Variants in IFT80 observed in about 807,000 individuals in gnomAD.
IFT80 encodes intraflagellar transport protein 80 homolog.
IFT80 carries 79 observed loss-of-function variants against 107.9 expected under a neutral mutation model. That is an observed-to-expected ratio of 0.73 (90% CI 0.61 to 0.88). IFT80 has a LOEUF of 0.88. IFT80 is among the 40% of genes least tolerant of loss of function. The pLI is 0.00. For synonymous variants in IFT80, 299 were observed against 300.9 expected (o/e 0.99, Z 0.07); for missense variants, 797 against 914.2 (o/e 0.87, Z 1.65).
At position 160,294,501 on chromosome 3, in the gene IFT80, G is replaced by A. The variant is rs749444802; in HGVS notation, c.1315+6382C>T. ...CTCCCAAAATGCTGGGATTGCAGGC[G>A]TAAGCCACCATGTCCAGCCAACTTT... is the stretch of plus-strand genomic sequence containing the variant. On this transcript the variant is annotated intron_variant, in intron 12 of 19. Coordinates refer to ENST00000326448, the MANE Select transcript of IFT80 (RefSeq NM_020800.3). Among the ~76,000 whole-genome samples, 9 of 152,318 alleles carry A rather than the reference G, an allele frequency of 5.9e-5. No individual in the cohort carries two copies. The South Asian group carries it at 1.2e-3, about 21-fold the overall frequency.
intron 8 of IFT80, among the ~76,000 whole-genome samples, chr3:160,321,866 T>C (rs918418414): frequency 6.6e-6 from 1 of 151,802 alleles, no homozygotes; most frequent in Non-Finnish European, 1.5e-5. Context: ...ATTTAATCTG[T>C]GCATAATTTC....
chr3:160,276,000 TG>T (rs1714233381), intron 18 of IFT80, among the ~76,000 whole-genome samples: 1 of 151,972 alleles, frequency 6.6e-6, no homozygotes, highest in African/African-American at 2.4e-5. Context: ...TCTGAGTAGC[TG>T]GGATTACAGG....
intron 5 of IFT80, among the ~76,000 whole-genome samples, chr3:160,369,993 A>G (rs2108384123): frequency 6.6e-6 from 1 of 152,210 alleles, no homozygotes; most frequent in South Asian, 2.1e-4. Flanking sequence ...TTATCTCTCC[A>G]TAAAACAAAT....
chr3:160,362,227 C>T (rs558258111), intron 6 of IFT80, among the ~76,000 whole-genome samples: 1 of 152,222 alleles, frequency 6.6e-6, no homozygotes, highest in South Asian at 2.1e-4. Context: ...TACAAACTAC[C>T]ATCAGAGAAT....
intron 6 of IFT80, among the ~76,000 whole-genome samples, chr3:160,360,413 C>T (rs1721408296): frequency 6.6e-6 from 1 of 152,160 alleles, no homozygotes; most frequent in Non-Finnish European, 1.5e-5. Flanking sequence ...GAGAATGGAA[C>T]GAAGTTGGAA....
At chr3:160,299,175 C>A (rs552481523) in intron 12 of IFT80, 3 of 989,796 alleles carry the variant, frequency 3.0e-6, no homozygotes, top group Non-Finnish European at 3.6e-6. Context: ...ATTCTGTCTG[C>A]CATCTGGATA....
intron 12 of IFT80, among the ~76,000 whole-genome samples, chr3:160,290,352 G>T (rs149503993): frequency 0.043 from 6,454 of 150,144 alleles, 476 homozygotes; most frequent in African/African-American, 0.15. Flanking sequence ...AGGTTGCAGT[G>T]AGCCAAGGTC....
chr3:160,331,454 A>C (rs1183741583), intron 8 of IFT80, among the ~76,000 whole-genome samples: 1 of 152,236 alleles, frequency 6.6e-6, no homozygotes, highest in Non-Finnish European at 1.5e-5. Flanking sequence ...AAATCATGAA[A>C]GCAAAACCAC....
intron 1 of IFT80, among the ~76,000 whole-genome samples, chr3:160,393,290 T>C (rs533855637): frequency 1.3e-5 from 2 of 152,338 alleles, no homozygotes; most frequent in South Asian, 2.1e-4. Context: ...AAATTAGAAA[T>C]TTAAATGTTC....
At chr3:160,352,255 A>T (rs1263152450) in intron 8 of IFT80, among the ~76,000 whole-genome samples, 1 of 151,748 alleles carries the variant, frequency 6.6e-6, no homozygotes, top group Non-Finnish European at 1.5e-5. Context: ...CGGCCTCCCA[A>T]AGTGCTGGGA....
intron 8 of IFT80, among the ~76,000 whole-genome samples, chr3:160,337,739 A>G (rs1719604579): frequency 6.6e-6 from 1 of 152,070 alleles, no homozygotes; most frequent in African/African-American, 2.4e-5. Context: ...TCAAAGTCTG[A>G]TGATGTTCTG....
At chr3:160,320,170 G>A (rs1718105292) in intron 8 of IFT80, 1 of 441,508 alleles carries the variant, frequency 2.3e-6, no homozygotes, top group Middle Eastern at 6.2e-4. Flanking sequence ...CTCAAGAACT[G>A]TAAAAAACCC....
intron 8 of IFT80, among the ~76,000 whole-genome samples, chr3:160,334,169 T>C (rs1027444734): frequency 2.6e-5 from 4 of 152,212 alleles, no homozygotes; most frequent in African/African-American, 9.6e-5. Flanking sequence ...TAAAAATTAC[T>C]GTTAATTGTT....
At chr3:160,281,311 T>C (rs1249538053) in intron 14 of IFT80, among the ~76,000 whole-genome samples, 1 of 152,120 alleles carries the variant, frequency 6.6e-6, no homozygotes, top group Non-Finnish European at 1.5e-5. Context: ...GAGGCCAAGA[T>C]CCACAGAATA....
At chr3:160,268,632 C>A in intron 18 of IFT80, 96 bp from the exon 19 acceptor site, 11 of 1,172,950 alleles carry the variant, frequency 9.4e-6, no homozygotes, top group Non-Finnish European at 1.4e-5. Context: ...ATGGCTCTTC[C>A]CTCTGTTTAT....
At chr3:160,277,195 G>T in intron 18 of IFT80, 111 bp downstream of exon 18, 1 of 865,588 alleles carries the variant, frequency 1.2e-6, no homozygotes, top group Non-Finnish European at 2.0e-6. Context: ...AAATTCTTCT[G>T]TGGTGTTAAG....
chr3:160,259,435 G>A (rs1193229970), intron 19 of IFT80, among the ~76,000 whole-genome samples: 1 of 152,156 alleles, frequency 6.6e-6, no homozygotes, highest in East Asian at 1.9e-4. Flanking sequence ...CTAGTTATGA[G>A]GAAAGACAGG....
intron 13 of IFT80, among the ~76,000 whole-genome samples, chr3:160,283,688 C>G (rs80043713): frequency 0.035 from 5,365 of 152,272 alleles, 327 homozygotes; most frequent in African/African-American, 0.12. Context: ...TCATCATCAT[C>G]AGAACCTAGT....
At chr3:160,280,267 A>G (rs1384112100) in intron 15 of IFT80, among the ~76,000 whole-genome samples, 1 of 152,190 alleles carries the variant, frequency 6.6e-6, no homozygotes, top group African/African-American at 2.4e-5. Context: ...CAAAAATTCA[A>G]TTCTAGAGAC....
Sources: allele counts gnomAD v4.1 joint callset (sites outside exome capture counted in the v4.1 genomes callset), GRCh38; gene constraint gnomAD v4.1.1; transcripts MANE v1.5; gene names NCBI Gene and HGNC (gene_info 2026-07-23, HGNC 2026-07-21).